The following TPRG1 variants were observed in gnomAD, a reference collection of about 807,000 sequenced individuals.
TPRG1 encodes the protein tumor protein p63 regulated 1.
In TPRG1, 29 loss-of-function variants were observed where a neutral mutation model predicts 29.3. The ratio of observed to expected loss-of-function variants is 0.99; its 90% CI spans 0.74 to 1.35. The LOEUF (loss-of-function observed/expected upper bound fraction) is 1.35. Ranked by LOEUF, TPRG1 falls within the 40% of genes most tolerant of loss-of-function variation. The probability of loss-of-function intolerance (pLI) is 0.00; values close to 1 mark genes in which losing one functional copy is unlikely to be tolerated. For missense variants in TPRG1, 327 were observed against 335.0 expected (o/e 0.98, Z 0.19); for synonymous variants, 130 against 116.8 (o/e 1.11, Z -0.73).
At chr3:189,288,258 G>T (rs1253487036) in intron 4 of TPRG1, among the ~76,000 whole-genome samples, 3 of 152,056 alleles carry the variant, frequency 2.0e-5, no homozygotes, top group Admixed American at 2.0e-4. Flanking sequence ...AAAAGATGCT[G>T]CTATTTGTGA....
chr3:189,193,609 T>A (rs1584576), intron 1 of TPRG1, among the ~76,000 whole-genome samples: 2 of 140,346 alleles, frequency 1.4e-5, no homozygotes, highest in African/African-American at 5.9e-5. Context: ...CTTTTCATTC[T>A]TAGTTCTTTT....
At chr3:188,999,930 A>G (rs887243802) in intron 1 of TPRG1, among the ~76,000 whole-genome samples, 2 of 152,142 alleles carry the variant, frequency 1.3e-5, no homozygotes, top group Admixed American at 6.5e-5. Context: ...AATAATCTAA[A>G]AGATGCATGA....
intron 4 of TPRG1, among the ~76,000 whole-genome samples, chr3:189,055,297 C>T (rs555654684): frequency 5.9e-5 from 9 of 152,310 alleles, no homozygotes; most frequent in Non-Finnish European, 1.0e-4. Context: ...TCCTCAGAAG[C>T]AGACCCTGAG....
At chr3:189,067,930 A>T (rs914292840) in intron 4 of TPRG1, among the ~76,000 whole-genome samples, 1 of 152,222 alleles carries the variant, frequency 6.6e-6, no homozygotes, top group Non-Finnish European at 1.5e-5. Context: ...CTGACAAGGG[A>T]TTACTATCCA....
At chr3:189,115,903 G>T (rs1458639973) in intron 1 of TPRG1, among the ~76,000 whole-genome samples, 1 of 152,034 alleles carries the variant, frequency 6.6e-6, no homozygotes, top group African/African-American at 2.4e-5. Context: ...ACAGATGTTT[G>T]TCAGGGAAAT....
At chr3:189,164,555 T>C (rs1727904484) in intron 5 of TPRG1, among the ~76,000 whole-genome samples, 1 of 152,022 alleles carries the variant, frequency 6.6e-6, no homozygotes, top group Non-Finnish European at 1.5e-5. Context: ...TCTACTTTTC[T>C]AGTCATTGCA....
At chr3:189,057,517 C>A (rs1236853237) in intron 4 of TPRG1, among the ~76,000 whole-genome samples, 1 of 143,718 alleles carries the variant, frequency 7.0e-6, no homozygotes, top group African/African-American at 2.6e-5. Flanking sequence ...TTTTTTTTTA[C>A]ACATTCTGTG....
At chr3:189,178,464 A>G (rs574276759) in intron 1 of TPRG1, among the ~76,000 whole-genome samples, 3 of 152,320 alleles carry the variant, frequency 2.0e-5, no homozygotes, top group Admixed American at 6.5e-5. Context: ...GGGAGGCAGA[A>G]GCTGAGATCA....
At chr3:189,263,823 A>G (rs1713565486) in intron 4 of TPRG1, among the ~76,000 whole-genome samples, 1 of 152,150 alleles carries the variant, frequency 6.6e-6, no homozygotes, top group Non-Finnish European at 1.5e-5. Context: ...ATGGCATTTC[A>G]CTCCAAACTA....
chr3:189,206,870 T>C (rs1734475695), intron 1 of TPRG1, among the ~76,000 whole-genome samples: 2 of 151,508 alleles, frequency 1.3e-5, no homozygotes, highest in Admixed American at 1.3e-4. Context: ...TCTTTGGGTA[T>C]TCGTCTAATT....
chr3:189,287,399 T>TC (rs1390438972), intron 4 of TPRG1, among the ~76,000 whole-genome samples: 1 of 148,786 alleles, frequency 6.7e-6, no homozygotes, highest in Non-Finnish European at 1.5e-5. Context: ...TTTCTTTCTT[T>TC]CTTTTTTTTT....
chr3:189,215,753 T>A (rs981730350), intron 3 of TPRG1, among the ~76,000 whole-genome samples: 1 of 152,284 alleles, frequency 6.6e-6, no homozygotes, highest in Non-Finnish European at 1.5e-5. Context: ...CTAGGTGTCA[T>A]GGAAAGAAAG....
At chr3:189,267,712 A>G (rs1714361525) in intron 4 of TPRG1, 1 of 152,212 alleles carries the variant, frequency 6.6e-6, no homozygotes, top group African/African-American at 2.4e-5. Context: ...ATGCTCATGG[A>G]CAGTGTTGAA....
intron 1 of TPRG1, among the ~76,000 whole-genome samples, chr3:189,192,133 A>C (rs962061622): frequency 7.9e-5 from 12 of 152,218 alleles, no homozygotes; most frequent in Admixed American, 2.0e-4. Flanking sequence ...GCCTGAGAGC[A>C]TAGAAAAATT....
intron 4 of TPRG1, among the ~76,000 whole-genome samples, chr3:189,073,736 A>AT (rs1412402897): frequency 6.6e-6 from 1 of 152,044 alleles, no homozygotes; most frequent in Non-Finnish European, 1.5e-5. Context: ...CAATTTTATT[A>AT]TTTTTTGGTT....
At chr3:189,276,926 G>A (rs146115223) in intron 4 of TPRG1, among the ~76,000 whole-genome samples, 39 of 151,918 alleles carry the variant, frequency 2.6e-4, no homozygotes, top group African/African-American at 8.0e-4. Flanking sequence ...ACTGGACAAC[G>A]TATATATTTT....
At chr3:189,002,728 G>A (rs1380600819) in intron 2 of TPRG1, among the ~76,000 whole-genome samples, 1 of 152,132 alleles carries the variant, frequency 6.6e-6, no homozygotes, top group Non-Finnish European at 1.5e-5. Flanking sequence ...CCTTTCATCT[G>A]ATGAATATTG....
At chr3:189,179,948 A>C (rs894104184) in intron 1 of TPRG1, among the ~76,000 whole-genome samples, 20 of 152,326 alleles carry the variant, frequency 1.3e-4, no homozygotes, top group Non-Finnish European at 2.8e-4. Flanking sequence ...TTATGAAAGA[A>C]AGAGGTTTAG....
At chr3:189,288,832 GAT>G (rs2109187901) in intron 4 of TPRG1, among the ~76,000 whole-genome samples, 1 of 152,368 alleles carries the variant, frequency 6.6e-6, no homozygotes, top group East Asian at 1.9e-4. Context: ...GCAAACCACT[GAT>G]TTGTGCCTAA....
Sources: gnomAD v4.1 joint callset for allele counts (sites outside exome capture counted in the v4.1 genomes callset) on GRCh38, gnomAD v4.1.1 for gene constraint, MANE v1.5 for transcripts, NCBI Gene and HGNC (gene_info 2026-07-23, HGNC 2026-07-21) for gene names.